Variants in C8orf90 observed in about 807,000 individuals in gnomAD.
C8orf90 encodes the protein chromosome 8 open reading frame 90.
the C8orf90 span, among the ~76,000 whole-genome samples, chr8:141,514,944 C>A: frequency 6.6e-6 from 1 of 152,000 alleles, no homozygotes; most frequent in Non-Finnish European, 1.5e-5. Context: ...GGCATCAAAG[C>A]CTCCCTGTAA....
At chr8:141,516,060 C>A in the C8orf90 span, among the ~76,000 whole-genome samples, 1 of 152,140 alleles carries the variant, frequency 6.6e-6, no homozygotes, top group Non-Finnish European at 1.5e-5. Flanking sequence ...CTGTCCACCC[C>A]GGCCTGCTCC....
At chr8:141,518,176 C>T in the C8orf90 span, 1 of 540,510 alleles carries the variant, frequency 1.9e-6, no homozygotes, top group Non-Finnish European at 3.2e-6. Context: ...TCCCGGCCCT[C>T]CCCGCCCTGC....
chr8:141,515,320 A>C, the C8orf90 span, among the ~76,000 whole-genome samples: 1 of 101,956 alleles, frequency 9.8e-6, no homozygotes, highest in African/African-American at 3.7e-5. Context: ...CCATCCATCC[A>C]TCCATCCATC....
the C8orf90 span, chr8:141,518,120 C>A: frequency 7.6e-6 from 4 of 523,812 alleles, no homozygotes; most frequent in Non-Finnish European, 1.3e-5. Context: ...AGACTGGCCA[C>A]CTCTCTTCGC....
the C8orf90 span, chr8:141,518,228 C>A: frequency 1.7e-6 from 1 of 604,958 alleles, no homozygotes; most frequent in Non-Finnish European, 2.9e-6. Flanking sequence ...CCCGCGGCGC[C>A]CCCGGAGCCC....
At chr8:141,515,867 C>T in the C8orf90 span, among the ~76,000 whole-genome samples, 2 of 152,194 alleles carry the variant, frequency 1.3e-5, no homozygotes, top group African/African-American at 2.4e-5. Flanking sequence ...GCTCCGCTGC[C>T]CTCCCTGGTC....
At chr8:141,515,650 A>G in the C8orf90 span, among the ~76,000 whole-genome samples, 1 of 151,840 alleles carries the variant, frequency 6.6e-6, no homozygotes, top group East Asian at 2.0e-4. Context: ...GGAAGCCCAC[A>G]GTGTCTTCCA....
the C8orf90 span, among the ~76,000 whole-genome samples, chr8:141,515,229 T>C: frequency 1.6e-3 from 178 of 111,582 alleles, 1 homozygote; most frequent in African/African-American, 5.7e-3. Context: ...CACCCATCCA[T>C]CCATCCACCC....
chr8:141,516,693 A>G, the C8orf90 span, among the ~76,000 whole-genome samples: 11 of 152,140 alleles, frequency 7.2e-5, no homozygotes, highest in South Asian at 1.0e-3. Flanking sequence ...CCCAGTGTCT[A>G]TCTCCAGCCT....
At chr8:141,518,682 C>T in the C8orf90 span, 1 of 540,940 alleles carries the variant, frequency 1.8e-6, no homozygotes, top group Non-Finnish European at 3.3e-6. Context: ...GGCCCAGGCC[C>T]CGCCGCTGCC....
chr8:141,516,204 C>T, the C8orf90 span, among the ~76,000 whole-genome samples: 3 of 152,194 alleles, frequency 2.0e-5, no homozygotes, highest in African/African-American at 4.8e-5. Flanking sequence ...TTTCCCAGGT[C>T]GTTCCCACTG....
chr8:141,518,685 C>T, the C8orf90 span: 5 of 539,728 alleles, frequency 9.3e-6, no homozygotes, highest in Admixed American at 3.6e-5. Context: ...CCAGGCCCCG[C>T]CGCTGCCCCG....
At chr8:141,516,483 C>T in the C8orf90 span, among the ~76,000 whole-genome samples, 6 of 152,148 alleles carry the variant, frequency 3.9e-5, no homozygotes, top group African/African-American at 7.2e-5. Flanking sequence ...TGTGATGCGC[C>T]GGCAGCACAC....
chr8:141,518,178 C>G, the C8orf90 span: 2 of 540,846 alleles, frequency 3.7e-6, no homozygotes, highest in Non-Finnish European at 6.4e-6. Flanking sequence ...CCGGCCCTCC[C>G]CGCCCTGCCG....
At chr8:141,518,456 T>A in the C8orf90 span, 1 of 659,566 alleles carries the variant, frequency 1.5e-6, no homozygotes, top group Non-Finnish European at 2.7e-6. Flanking sequence ...GACTTCGACT[T>A]CCTGCTGCGC....
chr8:141,516,708 C>T, the C8orf90 span, among the ~76,000 whole-genome samples: 1 of 152,150 alleles, frequency 6.6e-6, no homozygotes, highest in Non-Finnish European at 1.5e-5. Context: ...CAGCCTCGAC[C>T]CCTCTACAAG....
chr8:141,516,610 T>A, the C8orf90 span, among the ~76,000 whole-genome samples: 2 of 152,160 alleles, frequency 1.3e-5, no homozygotes, highest in East Asian at 1.9e-4. Flanking sequence ...CGAAGCTCTC[T>A]GCTTGCGCTT....
the C8orf90 span, among the ~76,000 whole-genome samples, chr8:141,517,486 C>T: frequency 6.6e-6 from 1 of 152,198 alleles, no homozygotes; most frequent in East Asian, 1.9e-4. Context: ...GGGCCAGCAA[C>T]GTGGGTGCCT....
At chr8:141,517,976 C>T in the C8orf90 span, among the ~76,000 whole-genome samples, 1 of 152,222 alleles carries the variant, frequency 6.6e-6, no homozygotes, top group East Asian at 1.9e-4. Context: ...CCCTTCCGTA[C>T]ACCCAGGACC....
Sources: allele counts gnomAD v4.1 joint callset (sites outside exome capture counted in the v4.1 genomes callset), GRCh38; gene constraint gnomAD v4.1.1; transcripts MANE v1.5; gene names NCBI Gene and HGNC (gene_info 2026-07-23, HGNC 2026-07-21).